The following TTLL11 variants were observed in gnomAD, a reference collection of about 807,000 sequenced individuals.
TTLL11 encodes tubulin polyglutamylase TTLL11.
TTLL11 carries 42 observed loss-of-function variants against 51.7 expected under a neutral mutation model. The ratio of observed to expected loss-of-function variants is 0.81; its 90% CI spans 0.64 to 1.05. The LOEUF is 1.05. Among genes scored for constraint, TTLL11 ranks in the 50% least tolerant of loss-of-function variants. TTLL11 has a pLI of 0.00. For synonymous variants in TTLL11, 381 were observed against 383.5 expected (o/e 0.99, Z 0.08); for missense variants, 799 against 940.4 (o/e 0.85, Z 1.97).
In TTLL11 at chr9:122,005,414, C is replaced by G. The variant is rs188283248; in HGVS notation, c.694-15644G>C. Among the ~76,000 whole-genome samples, 273 of 152,228 alleles carry G rather than the reference C, an allele frequency of 1.8e-3. 2 individuals are homozygous for G. The highest frequency in any genetic ancestry group is 6.2e-3 in the African/African-American group (258 of 41,528). ...GATGGAGGCATCTGTATGAATAACC[C>G]CATTGATAATTCTGCTCAGGGCTTC... On this transcript the variant is annotated intron_variant, in intron 3 of 8. Transcript: ENST00000321582.
chr9:121,867,628 TC>T (rs1838217756), intron 7 of TTLL11, among the ~76,000 whole-genome samples: 1 of 151,766 alleles, frequency 6.6e-6, no homozygotes, highest in African/African-American at 2.4e-5. Context: ...CCATCCATTC[TC>T]AGGCTCTCCC....
chr9:121,877,987 C>G (rs1181414454), intron 6 of TTLL11, among the ~76,000 whole-genome samples: 1 of 152,194 alleles, frequency 6.6e-6, no homozygotes, highest in Non-Finnish European at 1.5e-5. Context: ...TTAGGTATTA[C>G]AAATGGTCCC....
At chr9:122,024,570 G>A (rs1844273850) in intron 3 of TTLL11, among the ~76,000 whole-genome samples, 1 of 152,210 alleles carries the variant, frequency 6.6e-6, no homozygotes, top group African/African-American at 2.4e-5. Flanking sequence ...GGTTTTGGCA[G>A]AAAGAGAGAC....
intron 6 of TTLL11, among the ~76,000 whole-genome samples, chr9:121,900,475 A>G (rs1839731597): frequency 6.6e-6 from 1 of 151,880 alleles, no homozygotes; most frequent in South Asian, 2.1e-4. Context: ...ATTTCTTTTT[A>G]TTTTGCTTGA....
intron 6 of TTLL11, among the ~76,000 whole-genome samples, chr9:121,929,308 C>T (rs926348764): frequency 1.2e-4 from 18 of 152,084 alleles, no homozygotes; most frequent in African/African-American, 2.2e-4. Flanking sequence ...GGTGTGGTGG[C>T]GCACACCTGT....
intron 8 of TTLL11, among the ~76,000 whole-genome samples, chr9:121,832,797 A>G (rs1837059730): frequency 6.6e-6 from 1 of 152,144 alleles, no homozygotes; most frequent in Admixed American, 6.5e-5. Flanking sequence ...AAAATTAACT[A>G]GGCATGGTGG....
chr9:121,826,557 G>GTATATATATA (rs1171227988), intron 8 of TTLL11, among the ~76,000 whole-genome samples: 24 of 51,340 alleles, frequency 4.7e-4, no homozygotes, highest in African/African-American at 1.5e-3. Context: ...ATATGTGTGT[G>GTATATATATA]TATATATATA....
At chr9:121,879,656 C>G (rs1466027573) in intron 6 of TTLL11, among the ~76,000 whole-genome samples, 2 of 152,072 alleles carry the variant, frequency 1.3e-5, no homozygotes, top group Non-Finnish European at 2.9e-5. Flanking sequence ...TCATCCAGAG[C>G]CTTTGAGATA....
chr9:121,869,663 A>T (rs985861172), intron 7 of TTLL11, among the ~76,000 whole-genome samples: 18 of 152,242 alleles, frequency 1.2e-4, no homozygotes, highest in South Asian at 6.2e-4. Flanking sequence ...TGTAAGAAGA[A>T]ACTGACATTT....
intron 2 of TTLL11, among the ~76,000 whole-genome samples, chr9:122,038,367 C>T (rs573889334): frequency 3.9e-5 from 6 of 152,152 alleles, no homozygotes; most frequent in East Asian, 1.9e-4. Context: ...TGAAGAGACC[C>T]GGTACAGTGG....
At chr9:122,064,693 A>G (rs146677472) in intron 1 of TTLL11, among the ~76,000 whole-genome samples, 243 of 152,338 alleles carry the variant, frequency 1.6e-3, no homozygotes, top group African/African-American at 5.6e-3. Context: ...ACAAGAACTC[A>G]TTACAAAAAT....
At chr9:121,950,836 T>A (rs968139082) in intron 6 of TTLL11, among the ~76,000 whole-genome samples, 2 of 152,154 alleles carry the variant, frequency 1.3e-5, no homozygotes, top group African/African-American at 2.4e-5. Flanking sequence ...CTGGCTCAAA[T>A]CATGACTCTG....
intron 7 of TTLL11, among the ~76,000 whole-genome samples, chr9:121,862,976 C>T (rs1295638356): frequency 1.3e-5 from 2 of 152,208 alleles, no homozygotes; most frequent in Non-Finnish European, 2.9e-5. Flanking sequence ...GGCATGTGCC[C>T]CGCATGGTGC....
intron 6 of TTLL11, among the ~76,000 whole-genome samples, chr9:121,964,592 T>C (rs922061178): frequency 2.6e-5 from 4 of 152,148 alleles, no homozygotes; most frequent in Non-Finnish European, 5.9e-5. Flanking sequence ...CCACCGTGCC[T>C]GGCCTCAAAT....
chr9:121,871,929 G>A (rs1241116982), intron 6 of TTLL11, among the ~76,000 whole-genome samples: 2 of 152,216 alleles, frequency 1.3e-5, no homozygotes, highest in South Asian at 2.1e-4. Flanking sequence ...CTATCCTGTC[G>A]GGATCTGGGG....
intron 3 of TTLL11, among the ~76,000 whole-genome samples, chr9:121,999,196 C>G (rs1843385130): frequency 6.6e-6 from 1 of 152,228 alleles, no homozygotes; most frequent in Admixed American, 6.5e-5. Flanking sequence ...TCCAGGATCA[C>G]AGGTGACATT....
At chr9:122,049,163 T>TC (rs925244449) in intron 1 of TTLL11, among the ~76,000 whole-genome samples, 3 of 152,200 alleles carry the variant, frequency 2.0e-5, no homozygotes, top group African/African-American at 7.2e-5. Flanking sequence ...GAGCAGCCAC[T>TC]CAAATACATG....
At chr9:122,063,518 G>A (rs1355928756) in intron 1 of TTLL11, among the ~76,000 whole-genome samples, 2 of 151,962 alleles carry the variant, frequency 1.3e-5, no homozygotes, top group Non-Finnish European at 2.9e-5. Flanking sequence ...CACTATTATT[G>A]AGTTCAAAAA....
intron 8 of TTLL11, among the ~76,000 whole-genome samples, chr9:121,846,937 C>A (rs4601401): frequency 3.3e-5 from 5 of 152,090 alleles, no homozygotes; most frequent in Admixed American, 1.3e-4. Context: ...AAGGCCGGGC[C>A]CGGTGGCTCA....
Sources: gnomAD v4.1 joint callset for allele counts (sites outside exome capture counted in the v4.1 genomes callset) on GRCh38, gnomAD v4.1.1 for gene constraint, MANE v1.5 for transcripts, NCBI Gene and HGNC (gene_info 2026-07-23, HGNC 2026-07-21) for gene names.